USH1C: variants seen among roughly 807,000 people sequenced by gnomAD.
USH1C encodes the protein USH1 protein network component harmonin, also known as harmonin.
In USH1C, 90 loss-of-function variants were observed where a neutral mutation model predicts 119.3. That is an observed-to-expected ratio of 0.75 (90% CI 0.64 to 0.90). The LOEUF is 0.90. Among genes scored for constraint, USH1C ranks in the 40% least tolerant of loss-of-function variants. The pLI is 0.00. For synonymous variants in USH1C, 465 were observed against 443.3 expected, an observed-to-expected ratio of 1.05 and a Z score of -0.62; for missense variants, 1,165 against 1,167.7, an observed-to-expected ratio of 1.00 and a Z score of 0.03.
rs759887115 is a variant in USH1C, at chr11:17,521,406, C to T, written c.1025G>A (p.Arg342Lys). The change falls in exon 13 of 27, where the codon AGA (arginine) becomes AAA (lysine). Residue 342 changes from arginine to lysine, a missense_variant. Coordinates refer to ENST00000005226, the MANE Select transcript of USH1C (RefSeq NM_153676.4). Reference sequence around the variant, plus strand: ...TGCTGCCTTCTGGGCAATTTCTTTTCTCCTTCTGAAACACAAATGCAGATT... The same window carrying T: ...TGCTGCCTTCTGGGCAATTTCTTTTTTCCTTCTGAAACACAAATGCAGATT... ...QEQQEMERQRRKEIAQKAAEE... is the reference protein window; with the variant it reads ...QEQQEMERQRKKEIAQKAAEE... The T allele has an allele frequency of 2.5e-6, 4 of 1,614,186 alleles. No individual in the cohort carries two copies. The highest frequency in any genetic ancestry group is 2.2e-5 in the South Asian group (2 of 91,080).
chr11:17,525,200 G>A (rs1157280362), intron 8 of USH1C, among the ~76,000 whole-genome samples: 1 of 152,156 alleles, frequency 6.6e-6, no homozygotes, highest in East Asian at 1.9e-4. Context: ...CAGCACTCCA[G>A]GGAGCTGCTA....
chr11:17,512,129 T>A (rs906424742), intron 15 of USH1C, 75 bp from the exon 16 acceptor site: 2 of 1,519,396 alleles, frequency 1.3e-6, no homozygotes, highest in Admixed American at 1.7e-5. Context: ...GGGCATCCAG[T>A]CCTCACATAA....
At chr11:17,544,041 T>C (rs1171398379) in intron 1 of USH1C, among the ~76,000 whole-genome samples, 2 of 152,204 alleles carry the variant, frequency 1.3e-5, no homozygotes, top group Non-Finnish European at 2.9e-5. Context: ...GGAGAAAGGC[T>C]GGCAGAAGAT....
chr11:17,511,050 G>A (rs1076311), intron 16 of USH1C, among the ~76,000 whole-genome samples: 74,106 of 152,030 alleles, frequency 0.49, 19,421 homozygotes, highest in East Asian at 0.62. Context: ...TCATGGATGC[G>A]TTAAAGAGAA....
chr11:17,507,927 A>C (rs1849713101), intron 18 of USH1C, among the ~76,000 whole-genome samples: 1 of 152,150 alleles, frequency 6.6e-6, no homozygotes, highest in Admixed American at 6.5e-5. Context: ...CGCATGGCTT[A>C]TGCATATTTT....
intron 4 of USH1C, among the ~76,000 whole-genome samples, chr11:17,527,726 C>T (rs910006412): frequency 3.3e-5 from 5 of 152,284 alleles, no homozygotes; most frequent in South Asian, 2.1e-4. Flanking sequence ...CTATTCTTAC[C>T]GGGACTTTGT....
chr11:17,497,567 T>C (rs973717355), intron 24 of USH1C, among the ~76,000 whole-genome samples: 5 of 152,230 alleles, frequency 3.3e-5, no homozygotes. Flanking sequence ...CCCAGGCCCA[T>C]CTGGTCAGCT....
intron 15 of USH1C, 95 bp from the exon 16 acceptor site, chr11:17,512,149 C>T: frequency 7.1e-7 from 1 of 1,400,594 alleles, no homozygotes; most frequent in Non-Finnish European, 1.0e-6. Context: ...ACACAACCAT[C>T]CCATGGTGAG....
intron 12 of USH1C, among the ~76,000 whole-genome samples, chr11:17,522,272 G>A (rs1008619787): frequency 2.0e-5 from 3 of 152,186 alleles, no homozygotes; most frequent in African/African-American, 7.2e-5. Context: ...ATCACTATAG[G>A]CAGGGCAGCC....
At chr11:17,544,201 G>T (rs1024461319) in intron 1 of USH1C, 71 bp downstream of exon 1, 1 of 1,598,228 alleles carries the variant, frequency 6.3e-7, no homozygotes, top group Non-Finnish European at 8.6e-7. Context: ...CAGTGCCGGG[G>T]TGTCCACCCC....
At chr11:17,503,105 C>T (rs1849507897) in intron 20 of USH1C, among the ~76,000 whole-genome samples, 1 of 152,200 alleles carries the variant, frequency 6.6e-6, no homozygotes, top group Non-Finnish European at 1.5e-5. Flanking sequence ...TCCTCACTTG[C>T]CTCAATCACC....
chr11:17,505,426 G>A (rs1039494430), intron 19 of USH1C, among the ~76,000 whole-genome samples: 10 of 152,232 alleles, frequency 6.6e-5, no homozygotes, highest in Non-Finnish European at 1.3e-4. Flanking sequence ...GGCTCTGCCT[G>A]GGGAACCTGG....
chr11:17,501,422 G>T, intron 22 of USH1C, 60 bp downstream of exon 22: 1 of 1,574,702 alleles, frequency 6.4e-7, no homozygotes, highest in Non-Finnish European at 8.7e-7. Context: ...AGGAGACCAA[G>T]GGAGGAGGGG....
chr11:17,543,199 G>T (rs968856653), intron 1 of USH1C, among the ~76,000 whole-genome samples: 2 of 152,234 alleles, frequency 1.3e-5, no homozygotes, highest in African/African-American at 4.8e-5. Flanking sequence ...TAGCTCCTTG[G>T]GCTCCTATGG....
chr11:17,533,490 C>A lies in USH1C; in HGVS notation c.37-168G>T, dbSNP rs77999105. 1.6e-5 allele frequency: 11 copies of A among 686,830 alleles called. No individual in the cohort carries two copies. In the African/African-American group the frequency reaches 1.9e-4, roughly 12 times the overall value. 42.5% of individuals were successfully genotyped at this position (686,830 alleles called of 1,614,324 possible). On this transcript the variant is annotated intron_variant, in intron 1 of 26. Transcript: ENST00000005226. ...CCAGGCTGCCCCTCTGACCCCAATG[C>A]ATCAGACCTATGCAGACCACCCCAA...
Position 17,496,813 on chromosome 11 carries a change from C to T in USH1C, c.2491G>A (p.Asp831Asn), listed in dbSNP as rs1236256432. ...ALQKAWNQGGDWIDLVVAVCP... is the reference protein window; with the variant it reads ...ALQKAWNQGGNWIDLVVAVCP... ...ACGGCAACCACAAGGTCGATCCAGT[C>T]CTGTGGGGAGAAGCCGTGTGACTCT... The change falls in exon 25 of 27, where the codon GAC (aspartate) becomes AAC (asparagine). Residue 831 changes from aspartate to asparagine, a missense_variant and splice_region_variant. Asp to Asn is a conservative substitution (Grantham distance 23, BLOSUM62 1). Coordinates refer to ENST00000005226, the MANE Select transcript of USH1C (RefSeq NM_153676.4). 2 of 1,614,146 alleles carry T rather than the reference C, an allele frequency of 1.2e-6. No homozygotes were observed. Among genetic ancestry groups the T allele is most frequent in the Non-Finnish European group, 1.7e-6 (2 of 1,179,982 alleles).
intron 4 of USH1C, among the ~76,000 whole-genome samples, chr11:17,528,876 C>A (rs1203202690): frequency 1.3e-5 from 2 of 152,378 alleles, no homozygotes; most frequent in African/African-American, 4.8e-5. Flanking sequence ...AGACTAACTC[C>A]TTCCACCTAT....
Position 17,520,951 on chromosome 11 carries a change from C to A in USH1C, c.1129G>T (p.Asp377Tyr). The change falls in exon 14 of 27, where the codon GAC becomes TAC. Residue 377 changes from aspartate to tyrosine, a missense_variant. Physicochemically the swap from Asp to Tyr is radical, Grantham distance 160. Transcript: ENST00000005226. ...EEKFKKQWEE[D>Y]WGSKEQLLLP... ...AGTAGCTGTTCCTTTGAGCCCCAGT[C>A]TTCTTCCCATTGCTTCTTAAACTTC... 1 of 1,614,154 alleles carries A rather than the reference C, an allele frequency of 6.2e-7. No homozygotes were observed. Among genetic ancestry groups the A allele is most frequent in the Non-Finnish European group, 8.5e-7 (1 of 1,180,008 alleles).
At chr11:17,510,664 G>T in intron 16 of USH1C, 143 bp from the exon 17 acceptor site, 4 of 710,334 alleles carry the variant, frequency 5.6e-6, no homozygotes, top group Non-Finnish European at 1.0e-5. Context: ...ACCTGGGCTT[G>T]TTCCAACTGG....
Sources: gnomAD v4.1 joint callset for allele counts (sites outside exome capture counted in the v4.1 genomes callset) on GRCh38, gnomAD v4.1.1 for gene constraint, MANE v1.5 for transcripts, NCBI Gene and HGNC (gene_info 2026-07-23, HGNC 2026-07-21) for gene names.